Variants in ZC3H14 observed in about 807,000 individuals in gnomAD.
ZC3H14 encodes zinc finger CCCH-type containing 14, also known as zinc finger CCCH domain-containing protein 14.
Under a neutral mutation model 92.4 loss-of-function variants are expected in ZC3H14, and 31 were observed. The ratio of observed to expected loss-of-function variants is 0.34; its 90% CI spans 0.25 to 0.45. The LOEUF (loss-of-function observed/expected upper bound fraction) is 0.45, where lower values mean the gene tolerates loss of function less well. Ranked by LOEUF, ZC3H14 falls within the 20% of genes least tolerant of loss-of-function variation. ZC3H14 has a pLI of 1.00. For synonymous variants in ZC3H14, 321 were observed against 300.9 expected, an observed-to-expected ratio of 1.07 and a Z score of -0.69; for missense variants, 781 against 897.3, an observed-to-expected ratio of 0.87 and a Z score of 1.66.
In ZC3H14 at chr14:88,622,467, A is replaced by G; in HGVS notation, c.*10716A>G. 1 of 637,034 alleles carries G rather than the reference A, an allele frequency of 1.6e-6. No homozygotes were observed. Among genetic ancestry groups the G allele is most frequent in the Non-Finnish European group, 2.4e-6 (1 of 415,262 alleles). The allele number at this position is 637,034 out of a possible 1,614,324, so 39.5% of individuals were successfully genotyped here. On this transcript the variant is annotated 3_prime_UTR_variant, in exon 17 of 17. Coordinates refer to ENST00000251038, the MANE Select transcript of ZC3H14 (RefSeq NM_024824.5). ...AACTTTGGCAAAGAAAGCAGCAAAG[A>G]CAGAGTAATGTTGGCAAGCAAATCC... is the stretch of plus-strand genomic sequence containing the variant.
At chr14:88,564,233 G>C (rs1595453911) in intron 2 of ZC3H14, among the ~76,000 whole-genome samples, 1 of 152,180 alleles carries the variant, frequency 6.6e-6, no homozygotes, top group African/African-American at 2.4e-5. Context: ...TTTATTTTCC[G>C]ATCTCTTTAT....
intron 7 of ZC3H14, among the ~76,000 whole-genome samples, chr14:88,575,292 G>A (rs576119223): frequency 3.3e-5 from 5 of 152,282 alleles, no homozygotes; most frequent in African/African-American, 9.6e-5. Flanking sequence ...TGAGAAACAC[G>A]TTAATGAGAG....
Position 88,603,077 on chromosome 14 carries a change from G to A in ZC3H14, c.1747+17G>A, listed in dbSNP as rs777244155. 2 of 1,609,888 alleles carry A rather than the reference G, an allele frequency of 1.2e-6. No homozygotes were observed. Among genetic ancestry groups the A allele is most frequent in the Non-Finnish European group, 1.7e-6 (2 of 1,176,202 alleles). ...TTTCTAACGGTGTGTTGAGAGCTCA[G>A]ATTTTCAGGGTGCTGTCATTGTGAA... On this transcript the variant is annotated intron_variant, in intron 12 of 16. Transcript: ENST00000251038.
In ZC3H14 at chr14:88,572,209, A is replaced by C. The variant is rs532287235; in HGVS notation, c.415A>C (p.Lys139Gln). Reference protein sequence around the residue: ...SRVSTSSQESKTTNVRQTYDD... With the variant: ...SRVSTSSQESQTTNVRQTYDD... ...AGTTTCTACAAGTTCGCAGGAGTCAAAAACCACAAATGTCAGGTAAGAGTC... is the reference window on the plus strand; with the variant it reads ...AGTTTCTACAAGTTCGCAGGAGTCACAAACCACAAATGTCAGGTAAGAGTC... Residue 139 changes from lysine to glutamine, a missense_variant, in exon 5 of 17, where the codon AAA becomes CAA. Physicochemically the swap from Lys to Gln is moderately conservative, Grantham distance 53 (BLOSUM62 1). Around this residue, in one of 3 missense-constraint regions of ZC3H14, gnomAD observed 454 missense variants for 438.5 expected, o/e 1.04. Transcript: ENST00000251038. The C allele has an allele frequency of 6.2e-7, 1 of 1,614,202 alleles. No individual in the cohort carries two copies. The highest frequency in any genetic ancestry group is 1.1e-5 in the South Asian group (1 of 91,086).
At chr14:88,592,664 C>A (rs1215719471) in intron 9 of ZC3H14, among the ~76,000 whole-genome samples, 2 of 152,068 alleles carry the variant, frequency 1.3e-5, no homozygotes, top group African/African-American at 4.8e-5. Context: ...CCACGCCTGG[C>A]TAATTTTTGT....
At chr14:88,591,917 G>GTTGAT (rs1172725704) in intron 9 of ZC3H14, 1 of 152,204 alleles carries the variant, frequency 6.6e-6, no homozygotes, top group Non-Finnish European at 1.5e-5. Context: ...CAGTTTACTA[G>GTTGAT]TTGATTTAAC....
chr14:88,620,426 C>A lies in ZC3H14; in HGVS notation c.*8675C>A. On this transcript the variant is annotated 3_prime_UTR_variant, in exon 17 of 17. Coordinates refer to ENST00000251038, the MANE Select transcript of ZC3H14 (RefSeq NM_024824.5). This position sits in a 1 kb window ranked among gnomAD's most constrained non-coding sequence, Gnocchi z 4.3. ...TCACAACTTTAGTTTTCCAGGGTGA[C>A]AACTTTTGAAGGGCAGATAGCTCTC... 1 of 203,298 alleles carries A rather than the reference C, an allele frequency of 4.9e-6. No individual in the cohort carries two copies. The highest frequency in any genetic ancestry group is 9.7e-6 in the Non-Finnish European group (1 of 102,718). The allele number at this position is 203,298 out of a possible 1,614,324, so 12.6% of individuals were successfully genotyped here.
At chr14:88,571,958 A>G in intron 4 of ZC3H14, 72 bp from the exon 5 acceptor site, 1 of 1,241,942 alleles carries the variant, frequency 8.1e-7, no homozygotes, top group South Asian at 1.7e-5. Context: ...GCGAGACTCC[A>G]TCTCAAAAAT....
intron 9 of ZC3H14, chr14:88,590,765 G>A (rs2083031870): frequency 6.6e-6 from 1 of 152,146 alleles, no homozygotes; most frequent in South Asian, 2.1e-4. Context: ...TTTTGAGCAG[G>A]GATTTATGTG....
chr14:88,609,924 C>T (rs752186693), intron 15 of ZC3H14, 121 bp downstream of exon 15: 30 of 1,078,132 alleles, frequency 2.8e-5, no homozygotes, highest in Non-Finnish European at 3.6e-5. Flanking sequence ...GCCAGTAAAA[C>T]TATTAAGTTG....
chr14:88,584,074 T>C (rs2082214301), intron 9 of ZC3H14, among the ~76,000 whole-genome samples: 1 of 151,476 alleles, frequency 6.6e-6, no homozygotes, highest in African/African-American at 2.4e-5. Flanking sequence ...GCAAAAAAGA[T>C]GTTTTTATCT....
At chr14:88,566,780 T>G (rs1466548421) in intron 2 of ZC3H14, among the ~76,000 whole-genome samples, 1 of 151,784 alleles carries the variant, frequency 6.6e-6, no homozygotes, top group African/African-American at 2.4e-5. Flanking sequence ...ATTAGCTGGG[T>G]GTGGTGGCAG....
intron 9 of ZC3H14, among the ~76,000 whole-genome samples, chr14:88,587,873 C>T (rs1228891951): frequency 2.6e-5 from 4 of 151,798 alleles, no homozygotes; most frequent in African/African-American, 7.3e-5. Flanking sequence ...CCCAGGAGTT[C>T]GAGGTTACAG....
rs1335531171 is a variant in ZC3H14, at chr14:88,609,799, C to T, written c.2093C>T (p.Pro698Leu). 6.2e-7 allele frequency: 1 copy of T among 1,613,576 alleles called. No homozygotes were observed. ...AAGATGGAATGTCCCTTCTATCATC[C>T]AAAAGTAAGAACTTCTATTTTCTCA... ...CKKMECPFYH[P>L]KHCRFNTQCT... The change falls in exon 15 of 17, where the codon CCA becomes CTA. Residue 698 changes from proline to leucine, a missense_variant. By Grantham distance (98) the Pro-to-Leu change is moderately conservative (BLOSUM62 -3). Coordinates refer to ENST00000251038, the MANE Select transcript of ZC3H14 (RefSeq NM_024824.5).
In ZC3H14 at chr14:88,585,203, A is replaced by G. The variant is rs568198832; in HGVS notation, c.1279+7063A>G. ...TGGAGAGTTTAGACCAGTCACATTT[A>G]TTACAATTACTGGTATAGTTGGATT... On this transcript the variant is annotated intron_variant, in intron 9 of 16. Transcript: ENST00000251038. Among the ~76,000 whole-genome samples the G allele has an allele frequency of 3.3e-5, 5 of 152,240 alleles. No individual in the cohort carries two copies. The East Asian group carries it at 7.7e-4, about 23-fold the overall frequency.
chr14:88,563,453 G>A, intron 1 of ZC3H14, 198 bp from the exon 2 acceptor site: 1 of 1,442,374 alleles, frequency 6.9e-7, no homozygotes, highest in Non-Finnish European at 9.0e-7. Context: ...TCCGCTGCGG[G>A]AGGTGGGCGC....
chr14:88,565,222 A>G (rs1460445359), intron 2 of ZC3H14, among the ~76,000 whole-genome samples: 1 of 152,126 alleles, frequency 6.6e-6, no homozygotes, highest in Non-Finnish European at 1.5e-5. Context: ...GCTCACTGCA[A>G]GCTCTGCCTC....
intron 10 of ZC3H14, among the ~76,000 whole-genome samples, chr14:88,601,198 C>T (rs891260268): frequency 6.6e-6 from 1 of 152,110 alleles, no homozygotes; most frequent in African/African-American, 2.4e-5. Flanking sequence ...TCAGTAAATA[C>T]TCAGTGAATG....
chr14:88,618,407 T>G lies in ZC3H14; in HGVS notation c.*6656T>G. On this transcript the variant is annotated 3_prime_UTR_variant, in exon 17 of 17. Transcript: ENST00000251038. ...AATCCACAGGGGGTTTACAGAATAC[T>G]AGCATATTGCTACTTGATTTACATG... is the stretch of plus-strand genomic sequence containing the variant. 7.8e-7 allele frequency: 1 copy of G among 1,286,748 alleles called. No individual in the cohort carries two copies. Among genetic ancestry groups the G allele is most frequent in the South Asian group, 1.2e-5 (1 of 81,430 alleles). 79.7% of individuals were successfully genotyped at this position (1,286,748 alleles called of 1,614,324 possible). A position where few individuals can be genotyped will look rare whatever the true frequency, so the allele number is the denominator to read the frequency against.
Sources: allele counts gnomAD v4.1 joint callset (sites outside exome capture counted in the v4.1 genomes callset), GRCh38; gene constraint gnomAD v4.1.1; regional missense constraint gnomAD v4.1.1; non-coding constraint Gnocchi (gnomAD v3.1); transcripts MANE v1.5; gene names NCBI Gene and HGNC (gene_info 2026-07-23, HGNC 2026-07-21).